Variants in FAM227B observed in about 807,000 individuals in gnomAD.
FAM227B encodes family with sequence similarity 227 member B, also known as protein FAM227B.
Under a neutral mutation model 73.8 loss-of-function variants are expected in FAM227B, and 88 were observed. The observed-to-expected ratio is 1.19, with a 90% CI of 1.00 to 1.42. The LOEUF is 1.42. Among genes scored for constraint, FAM227B ranks in the 40% most tolerant of loss-of-function variants. The pLI is 0.00. For synonymous variants in FAM227B, 210 were observed against 190.5 expected (o/e 1.10, Z -0.84); for missense variants, 632 against 590.9 (o/e 1.07, Z -0.72).
chr15:49,590,079 C>G, intron 3 of FAM227B, 72 bp from the exon 4 acceptor site: 2 of 800,226 alleles, frequency 2.5e-6, no homozygotes, highest in Non-Finnish European at 4.2e-6. Flanking sequence ...AGTTCAAAAC[C>G]AATGAGCTAT....
In FAM227B at chr15:49,523,516, C is replaced by T. The variant is rs1435591724; in HGVS notation, c.875-15168G>A. 2.6e-5 allele frequency among the ~76,000 whole-genome samples: 4 copies of T among 152,152 alleles called. No homozygotes were observed. In the East Asian group the frequency reaches 5.8e-4, roughly 22 times the overall value. On this transcript the variant is annotated intron_variant, in intron 10 of 15. Coordinates refer to ENST00000299338, the MANE Select transcript of FAM227B (RefSeq NM_152647.3). ...TTAAATCTTTTTCCTGTATAAATTA[C>T]CCAGTCTCGTGTATGTCTTTATTAG...
chr15:49,328,450 AAC>A lies in FAM227B; in HGVS notation c.*116_*117del. The A allele has an allele frequency of 1.4e-6, 2 of 1,470,860 alleles. No homozygotes were observed. Among genetic ancestry groups the A allele is most frequent in the Non-Finnish European group, 1.8e-6 (2 of 1,111,728 alleles). The allele number at this position is 1,470,860 out of a possible 1,614,324, so 91.1% of individuals were successfully genotyped here. ...TGAAGATTTTAAAGATGAATGGTAA[AAC>A]ACACTCTTAATACTGATTACATGGA... On this transcript the variant is annotated 3_prime_UTR_variant, in exon 16 of 16. Coordinates refer to ENST00000299338, the MANE Select transcript of FAM227B (RefSeq NM_152647.3).
At position 49,328,692 on chromosome 15, in the gene FAM227B, T is replaced by C; in HGVS notation, c.1420-17A>G. On this transcript the variant is annotated splice_polypyrimidine_tract_variant and intron_variant, in intron 15 of 15. Transcript: ENST00000299338. ...TTCGGAACGCTATGAAAATAATACA[T>C]GATTAAAGTTTCACAGATCTTCTTG... The C allele has an allele frequency of 5.8e-6, 9 of 1,550,036 alleles. No homozygotes were observed. The highest frequency in any genetic ancestry group is 7.9e-6 in the Non-Finnish European group (9 of 1,145,742).
At chr15:49,576,960 AC>A in intron 6 of FAM227B, 115 bp from the exon 7 acceptor site, 1 of 598,522 alleles carries the variant, frequency 1.7e-6, no homozygotes, top group Non-Finnish European at 2.9e-6. Flanking sequence ...TAATTACTTT[AC>A]TTCTTTTTAC....
intron 12 of FAM227B, among the ~76,000 whole-genome samples, chr15:49,369,606 T>G (rs1328767053): frequency 6.6e-6 from 1 of 152,168 alleles, no homozygotes; most frequent in African/African-American, 2.4e-5. Context: ...TTTTGAGGCT[T>G]GAATATGTGT....
intron 11 of FAM227B, among the ~76,000 whole-genome samples, chr15:49,452,699 G>T (rs112231178): frequency 6.6e-6 from 1 of 152,090 alleles, no homozygotes; most frequent in Non-Finnish European, 1.5e-5. Flanking sequence ...AAATGAGTCA[G>T]TCTCTCTGAA....
intron 8 of FAM227B, among the ~76,000 whole-genome samples, chr15:49,571,359 G>A (rs1404400431): frequency 2.6e-5 from 4 of 151,692 alleles, no homozygotes; most frequent in South Asian, 2.1e-4. Context: ...TTAGTTTGAC[G>A]CAATTCCATT....
At chr15:49,611,397 T>C in intron 2 of FAM227B, 129 bp from the exon 3 acceptor site, 1 of 527,838 alleles carries the variant, frequency 1.9e-6, no homozygotes, top group Non-Finnish European at 3.3e-6. Flanking sequence ...TATCATAAAA[T>C]GCTCACTTTA....
At chr15:49,422,807 C>T in intron 11 of FAM227B, 1 of 1,114,730 alleles carries the variant, frequency 9.0e-7, no homozygotes, top group Admixed American at 2.1e-5. Context: ...CTACACAGTG[C>T]TTTAAGGCAC....
At chr15:49,577,552 T>C in intron 6 of FAM227B, 77 bp downstream of exon 6, 6 of 867,236 alleles carry the variant, frequency 6.9e-6, no homozygotes, top group Non-Finnish European at 1.1e-5. Context: ...GAGCCTTGTT[T>C]ATATTGTTGT....
intron 3 of FAM227B, among the ~76,000 whole-genome samples, chr15:49,610,716 C>A (rs2077850347): frequency 6.6e-6 from 1 of 152,038 alleles, no homozygotes; most frequent in Admixed American, 6.5e-5. Flanking sequence ...TGCATGGATC[C>A]AAGGGAAGAC....
At chr15:49,490,214 G>T (rs1321989642) in intron 11 of FAM227B, among the ~76,000 whole-genome samples, 1 of 151,590 alleles carries the variant, frequency 6.6e-6, no homozygotes, top group East Asian at 1.9e-4. Context: ...CCATATTTCT[G>T]CTATTCACAA....
At chr15:49,369,129 T>C (rs930810711) in intron 12 of FAM227B, among the ~76,000 whole-genome samples, 8 of 151,722 alleles carry the variant, frequency 5.3e-5, no homozygotes, top group African/African-American at 1.9e-4. Flanking sequence ...TGGCTAATTT[T>C]TTTATTTTTA....
At chr15:49,542,971 G>A (rs973767128) in intron 9 of FAM227B, among the ~76,000 whole-genome samples, 16 of 152,086 alleles carry the variant, frequency 1.1e-4, no homozygotes, top group Non-Finnish European at 2.1e-4. Flanking sequence ...ATAAACATGC[G>A]TGTGCAAGTG....
chr15:49,439,549 T>C (rs1255489072), intron 11 of FAM227B, among the ~76,000 whole-genome samples: 1 of 151,706 alleles, frequency 6.6e-6, no homozygotes, highest in African/African-American at 2.4e-5. Context: ...TTTAGTCAAG[T>C]TGAAATTCTA....
intron 14 of FAM227B, among the ~76,000 whole-genome samples, chr15:49,333,543 G>A (rs1409040090): frequency 2.0e-5 from 3 of 152,130 alleles, no homozygotes; most frequent in Non-Finnish European, 4.4e-5. Context: ...CCTTGTAACA[G>A]GTGTTGTGAA....
At chr15:49,563,197 T>C (rs1421591147) in intron 9 of FAM227B, among the ~76,000 whole-genome samples, 1 of 151,994 alleles carries the variant, frequency 6.6e-6, no homozygotes, top group Non-Finnish European at 1.5e-5. Flanking sequence ...TCTATACACC[T>C]ATAATGTTAA....
chr15:49,389,165 A>C (rs1271468393), intron 11 of FAM227B, among the ~76,000 whole-genome samples: 2 of 151,974 alleles, frequency 1.3e-5, no homozygotes, highest in Non-Finnish European at 2.9e-5. Flanking sequence ...GAAAGAAGTC[A>C]TTATATGAAA....
chr15:49,433,643 G>C (rs74704146), intron 11 of FAM227B, among the ~76,000 whole-genome samples: 3,521 of 151,612 alleles, frequency 0.023, 87 homozygotes, highest in South Asian at 0.13. Flanking sequence ...GTGATTTCAA[G>C]GAACTGGTGG....
Sources: gnomAD v4.1 joint callset for allele counts (sites outside exome capture counted in the v4.1 genomes callset) on GRCh38, gnomAD v4.1.1 for gene constraint, MANE v1.5 for transcripts, NCBI Gene and HGNC (gene_info 2026-07-23, HGNC 2026-07-21) for gene names.